The following RGPD4 variants were observed in gnomAD, a reference collection of about 807,000 sequenced individuals.
RGPD4 encodes ranBP2-like and GRIP domain-containing protein 4.
RGPD4 carries 84 observed loss-of-function variants against 141.1 expected under a neutral mutation model. The observed-to-expected ratio is 0.60, with a 90% CI of 0.50 to 0.71. The LOEUF (loss-of-function observed/expected upper bound fraction) is 0.71, where lower values mean the gene tolerates loss of function less well. Ranked by LOEUF, RGPD4 falls within the 30% of genes least tolerant of loss-of-function variation. The pLI is 0.00. For synonymous variants in RGPD4, 298 were observed against 566.8 expected, an observed-to-expected ratio of 0.53 and a Z score of 6.74; for missense variants, 918 against 1,622.4, an observed-to-expected ratio of 0.57 and a Z score of 7.46.
chr2:107,829,665 G>C (rs868678939), intron 1 of RGPD4, among the ~76,000 whole-genome samples: 68 of 152,224 alleles, frequency 4.5e-4, no homozygotes, highest in African/African-American at 1.3e-3. Flanking sequence ...TGGCACTTGC[G>C]AGCGCAGGAA....
At chr2:107,877,993 A>C (rs1204765134) in intron 20 of RGPD4, among the ~76,000 whole-genome samples, 1 of 151,202 alleles carries the variant, frequency 6.6e-6, no homozygotes, top group African/African-American at 2.4e-5. Context: ...TTGCATTTTT[A>C]GTAGAGATAG....
intron 22 of RGPD4, among the ~76,000 whole-genome samples, chr2:107,885,570 C>A (rs887916021): frequency 2.6e-5 from 4 of 151,860 alleles, no homozygotes; most frequent in African/African-American, 9.7e-5. Context: ...ATTGGAAACC[C>A]AGAACTCTAA....
intron 21 of RGPD4, among the ~76,000 whole-genome samples, chr2:107,881,921 T>C (rs1343024082): frequency 2.6e-5 from 4 of 151,828 alleles, no homozygotes; most frequent in Non-Finnish European, 5.9e-5. Context: ...ACTGTGGACG[T>C]CTTAACTGCC....
intron 22 of RGPD4, among the ~76,000 whole-genome samples, chr2:107,885,477 A>G (rs1675484498): frequency 6.6e-6 from 1 of 152,204 alleles, no homozygotes; most frequent in Non-Finnish European, 1.5e-5. Flanking sequence ...TTAAGGGTCC[A>G]TTGATTTAGA....
chr2:107,885,521 G>A (rs1414083060), intron 22 of RGPD4, among the ~76,000 whole-genome samples: 1 of 152,068 alleles, frequency 6.6e-6, no homozygotes, highest in Non-Finnish European at 1.5e-5. Flanking sequence ...GGGATACCAA[G>A]AACAGATATT....
intron 20 of RGPD4, among the ~76,000 whole-genome samples, chr2:107,873,754 A>G (rs1460880660): frequency 6.6e-6 from 1 of 151,726 alleles, no homozygotes; most frequent in Non-Finnish European, 1.5e-5. Context: ...TTAAAAGCAT[A>G]TTCATTTTGT....
At chr2:107,830,947 T>C (rs1171710779) in intron 1 of RGPD4, among the ~76,000 whole-genome samples, 1 of 152,178 alleles carries the variant, frequency 6.6e-6, no homozygotes, top group Non-Finnish European at 1.5e-5. Context: ...ATATTCTTCG[T>C]CTGTAATCTG....
chr2:107,883,704 T>A (rs1396808057), intron 22 of RGPD4, among the ~76,000 whole-genome samples: 1 of 149,730 alleles, frequency 6.7e-6, no homozygotes, highest in East Asian at 1.9e-4. Flanking sequence ...AATACTGTGA[T>A]GTCATTAACT....
chr2:107,883,626 A>G (rs1675430827), intron 22 of RGPD4, among the ~76,000 whole-genome samples: 1 of 41,204 alleles, frequency 2.4e-5, no homozygotes, highest in African/African-American at 1.8e-4. Context: ...ACTCCATCTC[A>G]AAAAAAAAAA....
chr2:107,849,533 AT>A (rs59026536), intron 7 of RGPD4, among the ~76,000 whole-genome samples: 7,614 of 8,710 alleles, frequency 0.87, 3,647 homozygotes, highest in Middle Eastern at 1. Context: ...CACCTGGCTA[AT>A]TTTTTTTTTG....
At chr2:107,873,751 C>T (rs555312092) in intron 20 of RGPD4, among the ~76,000 whole-genome samples, 2 of 151,622 alleles carry the variant, frequency 1.3e-5, no homozygotes, top group African/African-American at 2.4e-5. Context: ...GTTTTAAAAG[C>T]ATATTCATTT....
At chr2:107,875,493 ACCAG>A (rs1341437602) in intron 20 of RGPD4, among the ~76,000 whole-genome samples, 1 of 139,848 alleles carries the variant, frequency 7.2e-6, no homozygotes, top group Non-Finnish European at 1.5e-5. Flanking sequence ...TTTCCCTGTC[ACCAG>A]TTGGTATACA....
At chr2:107,874,895 A>C (rs1683045799) in intron 20 of RGPD4, among the ~76,000 whole-genome samples, 1 of 150,724 alleles carries the variant, frequency 6.6e-6, no homozygotes, top group South Asian at 2.1e-4. Flanking sequence ...AAATGATACT[A>C]AGTTTTTGTT....
chr2:107,827,070 C>A lies in RGPD4; in HGVS notation c.57C>A (p.Ala19=), dbSNP rs755941372. The A allele has an allele frequency of 1.3e-5, 20 of 1,591,596 alleles. No individual in the cohort carries two copies. Among genetic ancestry groups the A allele is most frequent in the Middle Eastern group, 2.3e-4 (1 of 4,434 alleles). Residue 19 remains alanine, a synonymous_variant, in exon 1 of 23, where the codon GCC becomes GCA. Coordinates refer to ENST00000408999, the MANE Select transcript of RGPD4 (RefSeq NM_182588.3). The part of the protein sequence containing the change: ...ERYVASVQGS[A]PSPRKKSTRG... ...ACGTCGCCTCCGTGCAGGGCTCCGCCCCGTCGCCTCGAAAGGTGAGTGGAT... is the reference window on the plus strand; with the variant it reads ...ACGTCGCCTCCGTGCAGGGCTCCGCACCGTCGCCTCGAAAGGTGAGTGGAT...
chr2:107,832,127 A>G (rs1391838675), intron 1 of RGPD4, among the ~76,000 whole-genome samples: 1 of 151,824 alleles, frequency 6.6e-6, no homozygotes, highest in African/African-American at 2.4e-5. Context: ...TAAACTCAGC[A>G]ACTTAAACCC....
rs2104437934 is a variant in RGPD4, at chr2:107,851,761, A to ATC, written c.979-2795_979-2794insTC. 5.6e-5 allele frequency among the ~76,000 whole-genome samples: 4 copies of ATC among 71,840 alleles called. No homozygotes were observed. In the South Asian group the frequency reaches 2.9e-3, roughly 52 times the overall value. The allele number at this position is 71,840 out of a possible 152,430, so 47.1% of individuals were successfully genotyped here. On this transcript the variant is annotated intron_variant, in intron 7 of 22. Coordinates refer to ENST00000408999, the MANE Select transcript of RGPD4 (RefSeq NM_182588.3). ...TATTTTATTTTATCAGTTTATTTTA[A>ATC]AGCTTAATGATCAAATGATTATAAG...
intron 20 of RGPD4, among the ~76,000 whole-genome samples, chr2:107,876,715 C>G (rs1342582186): frequency 2.0e-5 from 3 of 151,500 alleles, no homozygotes; most frequent in Admixed American, 2.0e-4. Flanking sequence ...GTCACTGGAG[C>G]ATTAGCAGCT....
At chr2:107,845,853 C>T (rs1363994824) in intron 6 of RGPD4, among the ~76,000 whole-genome samples, 23 of 151,666 alleles carry the variant, frequency 1.5e-4, no homozygotes, top group South Asian at 4.2e-4. Context: ...CGTGAGCCAC[C>T]GCGCCCAGCC....
At chr2:107,884,242 C>G (rs534055439) in intron 22 of RGPD4, among the ~76,000 whole-genome samples, 10 of 152,186 alleles carry the variant, frequency 6.6e-5, no homozygotes, top group African/African-American at 2.4e-4. Flanking sequence ...TCCCAAGTAG[C>G]TGGGACTACA....
Sources: allele counts gnomAD v4.1 joint callset (sites outside exome capture counted in the v4.1 genomes callset), GRCh38; gene constraint gnomAD v4.1.1; transcripts MANE v1.5; gene names NCBI Gene and HGNC (gene_info 2026-07-23, HGNC 2026-07-21).